C1orf115: variants seen among roughly 807,000 people sequenced by gnomAD.
C1orf115 encodes required for drug-induced death protein 1.
A neutral mutation model predicts 12.5 loss-of-function variants in C1orf115; 14 were observed. The observed-to-expected ratio is 1.12, with a 90% CI of 0.74 to 1.75. The LOEUF is 1.75. Ranked by LOEUF, C1orf115 falls within the 40% of genes most tolerant of loss-of-function variation. The probability of loss-of-function intolerance (pLI) is 0.00; values close to 1 mark genes in which losing one functional copy is unlikely to be tolerated. For synonymous variants in C1orf115, 109 were observed against 104.6 expected (o/e 1.04, Z -0.26); for missense variants, 237 against 220.8 (o/e 1.07, Z -0.46).
At chr1:220,696,404 C>T (rs1228324595) in intron 1 of C1orf115, among the ~76,000 whole-genome samples, 1 of 152,224 alleles carries the variant, frequency 6.6e-6, no homozygotes, top group Non-Finnish European at 1.5e-5. Flanking sequence ...ATGATGTCTG[C>T]TGTGAGCCGC....
chr1:220,696,413 G>A (rs1392141454), intron 1 of C1orf115, among the ~76,000 whole-genome samples, 199 bp from the exon 2 acceptor site: 4 of 152,218 alleles, frequency 2.6e-5, no homozygotes, highest in South Asian at 2.1e-4. Flanking sequence ...GCTGTGAGCC[G>A]CTACATATTC....
At position 220,697,978 on chromosome 1, in the gene C1orf115, T is replaced by C. The variant is rs337153; in HGVS notation, c.*1247T>C. The C allele has an allele frequency of 0.35, 53,774 of 152,242 alleles. 10,905 individuals carry two copies. The highest frequency in any genetic ancestry group is 0.82 in the East Asian group (4,247 of 5,148). 9.4% of individuals were successfully genotyped at this position (152,242 alleles called of 1,614,324 possible). On this transcript the variant is annotated 3_prime_UTR_variant, in exon 2 of 2. Coordinates refer to ENST00000294889, the MANE Select transcript of C1orf115 (RefSeq NM_024709.5). This position sits in a 1 kb window ranked among gnomAD's most constrained non-coding sequence, Gnocchi z 4.5. ...TCTTCTTCTGTGCTGCCTGGTTTGA[T>C]CTCATCTCACCTGGATTCAAAGGGT...
chr1:220,690,447 C>T lies in C1orf115; in HGVS notation c.45C>T (p.Leu15=), dbSNP rs775964993. 30 of 1,448,736 alleles carry T rather than the reference C, an allele frequency of 2.1e-5. No individual in the cohort carries two copies. Among genetic ancestry groups the T allele is most frequent in the Middle Eastern group, 2.0e-4 (1 of 4,992 alleles). 89.7% of individuals were successfully genotyped at this position (1,448,736 alleles called of 1,614,324 possible). A position where few individuals can be genotyped will look rare whatever the true frequency, so the allele number is the denominator to read the frequency against. ...ARLRSKAESS[L]LRRGPRGRGR... ...TCCGAAGCAAGGCGGAGAGCAGCCT[C>T]CTGCGCCGCGGGCCCCGAGGGCGAG... The change falls in exon 1 of 2, where the codon CTC becomes CTT. Residue 15 remains leucine (L), a synonymous_variant. Transcript: ENST00000294889.
At position 220,690,576 on chromosome 1, in the gene C1orf115, G is replaced by A. The variant is rs1378126753; in HGVS notation, c.174G>A (p.Glu58=). ...AAESGTSAAD[E]RGPGTRGARR... is the part of the protein sequence containing the mutation. ...AGAGCGGGACGAGCGCGGCGGACGA[G>A]CGGGGCCCGGGGACCCGGGGCGCGC... The change falls in exon 1 of 2, where the codon GAG becomes GAA. Residue 58 remains glutamate (E), a synonymous_variant. Transcript: ENST00000294889. 6.7e-7 allele frequency: 1 copy of A among 1,499,878 alleles called. No individual in the cohort carries two copies. Among genetic ancestry groups the A allele is most frequent in the South Asian group, 1.3e-5 (1 of 78,308 alleles). The allele number at this position is 1,499,878 out of a possible 1,614,324, so 92.9% of individuals were successfully genotyped here.
intron 1 of C1orf115, among the ~76,000 whole-genome samples, chr1:220,695,404 AAC>A (rs546012008): frequency 6.7e-4 from 102 of 152,160 alleles, no homozygotes; most frequent in African/African-American, 2.4e-3. Context: ...TCTCCACCGT[AAC>A]ACAGGCAATG....
rs775607830 is a variant in C1orf115 at position 220,696,617 on chromosome 1, C to T, written c.315C>T (p.Val105=). ...TCTTTTATTCCTAACACTAGAATGT[C>T]GGGAAGGTCATCATCAAAGGATGCC... ...RRKLKKYGKN[V]GKVIIKGCRY... The change falls in exon 2 of 2, where the codon GTC becomes GTT. Residue 105 remains valine, a synonymous_variant. Coordinates refer to ENST00000294889, the MANE Select transcript of C1orf115 (RefSeq NM_024709.5). The T allele has an allele frequency of 6.3e-6, 10 of 1,584,654 alleles. No homozygotes were observed. In the Admixed American group the frequency reaches 1.0e-4, roughly 16 times the overall value.
Position 220,696,714 on chromosome 1 carries a change from GT to G in C1orf115, c.413del (p.Val138AspfsTer49), listed in dbSNP as rs777614289. ...SAPFAVATSV[V>X]SFVR ...CCCGTTTGCGGTAGCCACCAGCGTG[GT>G]ATCCTTCGTGCGCTAATGGGAGCTG... On this transcript the variant is annotated frameshift_variant, in exon 2 of 2. Transcript: ENST00000294889. LOFTEE classifies it high-confidence loss of function. The G allele has an allele frequency of 6.3e-7, 1 of 1,595,042 alleles. No individual in the cohort carries two copies. Among genetic ancestry groups the G allele is most frequent in the Non-Finnish European group, 8.6e-7 (1 of 1,164,184 alleles).
At chr1:220,690,820 T>A in intron 1 of C1orf115, 109 bp downstream of exon 1, 1 of 1,281,190 alleles carries the variant, frequency 7.8e-7, no homozygotes, top group Non-Finnish European at 1.1e-6. Context: ...GGGCTGCACC[T>A]GCGACCCCTC....
Position 220,690,688 on chromosome 1 carries a change from AGGAAGC to A in C1orf115, c.287_292del (p.Arg96_Leu98delinsMet). ...CGAGCAGCCCAGGAAGAGGTACCGGAGGAAGCTGAAGAAGTACGGCAAGGTAGGGGC... is the reference window on the plus strand; with the variant it reads ...CGAGCAGCCCAGGAAGAGGTACCGGATGAAGAAGTACGGCAAGGTAGGGGC... On this transcript the variant is annotated inframe_deletion, in exon 1 of 2. Transcript: ENST00000294889. 6.3e-7 allele frequency: 1 copy of A among 1,594,926 alleles called. No homozygotes were observed. Among genetic ancestry groups the A allele is most frequent in the African/African-American group, 1.4e-5 (1 of 74,014 alleles).
intron 1 of C1orf115, among the ~76,000 whole-genome samples, chr1:220,691,828 G>A (rs889660191): frequency 2.6e-5 from 4 of 152,146 alleles, no homozygotes; most frequent in Non-Finnish European, 5.9e-5. Flanking sequence ...GTCAGGCATT[G>A]TGCTGAGCAG....
rs143715831 is a variant in C1orf115 at position 220,697,166 on chromosome 1, C to T, written c.*435C>T. On this transcript the variant is annotated 3_prime_UTR_variant, in exon 2 of 2. Coordinates refer to ENST00000294889, the MANE Select transcript of C1orf115 (RefSeq NM_024709.5). This position sits in a 1 kb window ranked among gnomAD's most constrained non-coding sequence, Gnocchi z 4.5. ...TCCTGAAAGGTCGTAGGCTGACAGGCGCTCACATTCCTTGGCTGCCTCGGT... is the reference window on the plus strand; with the variant it reads ...TCCTGAAAGGTCGTAGGCTGACAGGTGCTCACATTCCTTGGCTGCCTCGGT... The T allele has an allele frequency of 2.5e-3, 389 of 152,784 alleles. 2 individuals carry two copies. The highest frequency in any genetic ancestry group is 8.7e-3 in the African/African-American group (362 of 41,448). 9.5% of individuals were successfully genotyped at this position (152,784 alleles called of 1,614,324 possible). A position where few individuals can be genotyped will look rare whatever the true frequency, so the allele number is the denominator to read the frequency against.
Position 220,690,544 on chromosome 1 carries a change from G to A in C1orf115, c.142G>A (p.Ala48Thr). Reference sequence around the variant, plus strand: ...GGAGTACGCGGACGAGGCGGAGGCGGCGGCCGAGAGCGGGACGAGCGCGGC... The same window carrying A: ...GGAGTACGCGGACGAGGCGGAGGCGACGGCCGAGAGCGGGACGAGCGCGGC... ...HLEYADEAEAAAESGTSAADE... is the reference protein window; with the variant it reads ...HLEYADEAEATAESGTSAADE... Residue 48 changes from alanine to threonine, a missense_variant, in exon 1 of 2, where the codon GCG becomes ACG. Coordinates refer to ENST00000294889, the MANE Select transcript of C1orf115 (RefSeq NM_024709.5). 1 of 1,449,762 alleles carries A rather than the reference G, an allele frequency of 6.9e-7. No homozygotes were observed. Among genetic ancestry groups the A allele is most frequent in the Admixed American group, 3.0e-5 (1 of 33,476 alleles). The allele number at this position is 1,449,762 out of a possible 1,614,324, so 89.8% of individuals were successfully genotyped here. A position where few individuals can be genotyped will look rare whatever the true frequency, so the allele number is the denominator to read the frequency against.
chr1:220,696,737 G>T lies in C1orf115; in HGVS notation c.*6G>T, dbSNP rs980609475. On this transcript the variant is annotated 3_prime_UTR_variant, in exon 2 of 2. Transcript: ENST00000294889. ...TGGTATCCTTCGTGCGCTAATGGGA[G>T]CTGCTGTGGCAGGTGCCCCCAGAGT... 5.7e-6 allele frequency: 9 copies of T among 1,579,496 alleles called. No homozygotes were observed. The highest frequency in any genetic ancestry group is 1.3e-5 in the African/African-American group (1 of 74,444).
At chr1:220,693,267 T>G (rs531949397) in intron 1 of C1orf115, among the ~76,000 whole-genome samples, 1 of 152,350 alleles carries the variant, frequency 6.6e-6, no homozygotes, top group Admixed American at 6.5e-5. Context: ...GTGTTCCAGT[T>G]AATGAACTAT....
At chr1:220,692,692 G>T (rs1381132523) in intron 1 of C1orf115, among the ~76,000 whole-genome samples, 1 of 152,138 alleles carries the variant, frequency 6.6e-6, no homozygotes, top group Non-Finnish European at 1.5e-5. Flanking sequence ...GTTTTTTCCT[G>T]GGGATGATGA....
chr1:220,691,347 T>G (rs984176150), intron 1 of C1orf115, among the ~76,000 whole-genome samples: 5 of 152,172 alleles, frequency 3.3e-5, no homozygotes, highest in Non-Finnish European at 7.3e-5. Context: ...AATGACAGTT[T>G]CCTTCGCGGA....
At position 220,690,597 on chromosome 1, in the gene C1orf115, C is replaced by T; in HGVS notation, c.195C>T (p.Gly65=). ...ACGAGCGGGGCCCGGGGACCCGGGG[C>T]GCGCGGAGGGTGCACTTCGCCCTCC... ...AADERGPGTR[G]ARRVHFALLP... Residue 65 remains glycine (G), a synonymous_variant, in exon 1 of 2, where the codon GGC becomes GGT. Coordinates refer to ENST00000294889, the MANE Select transcript of C1orf115 (RefSeq NM_024709.5). The T allele has an allele frequency of 1.3e-6, 2 of 1,517,366 alleles. No homozygotes were observed. The highest frequency in any genetic ancestry group is 8.8e-7 in the Non-Finnish European group (1 of 1,135,292). 94.0% of individuals were successfully genotyped at this position (1,517,366 alleles called of 1,614,324 possible).
At chr1:220,691,373 G>A (rs1670104792) in intron 1 of C1orf115, among the ~76,000 whole-genome samples, 1 of 152,214 alleles carries the variant, frequency 6.6e-6, no homozygotes, top group South Asian at 2.1e-4. Context: ...AAGCGCAGAT[G>A]CAGTTCCCAG....
At position 220,693,128 on chromosome 1, in the gene C1orf115, G is replaced by A. The variant is rs549318480; in HGVS notation, c.309+2417G>A. ...GAGACCCCAGCTCCCCTCTGAGAGA[G>A]TAGTTGGGTAGAAAGCTCTACTCAG... On this transcript the variant is annotated intron_variant, in intron 1 of 1. Transcript: ENST00000294889. 4.6e-5 allele frequency among the ~76,000 whole-genome samples: 7 copies of A among 152,310 alleles called. 1 individual carries two copies. Among genetic ancestry groups the A allele is most frequent in the African/African-American group, 1.7e-4 (7 of 41,568 alleles).
Sources: gnomAD v4.1 joint callset for allele counts (sites outside exome capture counted in the v4.1 genomes callset) on GRCh38, gnomAD v4.1.1 for gene constraint, Gnocchi (gnomAD v3.1) non-coding constraint, MANE v1.5 for transcripts, NCBI Gene and HGNC (gene_info 2026-07-23, HGNC 2026-07-21) for gene names.